Variants in AKT3 observed in about 807,000 individuals in gnomAD.
The protein encoded by AKT3 is RAC-gamma serine/threonine-protein kinase.
Under a neutral mutation model 65.3 loss-of-function variants are expected in AKT3, and 15 were observed. The observed-to-expected ratio is 0.23, with a 90% confidence interval of 0.15 to 0.35. AKT3 has a LOEUF of 0.35. Ranked by LOEUF, AKT3 falls within the 10% of genes least tolerant of loss-of-function variation. The pLI is 1.00. For synonymous variants in AKT3, 206 were observed against 183.8 expected (o/e 1.12, Z -0.98); for missense variants, 243 against 576.5 (o/e 0.42, Z 5.92).
chr1:243,641,081 C>T (rs1680350034), intron 5 of AKT3, among the ~76,000 whole-genome samples: 3 of 151,964 alleles, frequency 2.0e-5, no homozygotes, highest in South Asian at 4.2e-4. Context: ...GCTTAGCCTC[C>T]CAGCCTACGT....
intron 1 of AKT3, among the ~76,000 whole-genome samples, chr1:243,849,279 C>A (rs1008822724): frequency 2.6e-5 from 4 of 152,202 alleles, no homozygotes; most frequent in African/African-American, 9.6e-5. Context: ...CAGCCAAACC[C>A]AGCATCTTCC....
chr1:243,556,217 A>G (rs1673397020), intron 10 of AKT3, among the ~76,000 whole-genome samples: 1 of 152,154 alleles, frequency 6.6e-6, no homozygotes, highest in Admixed American at 6.6e-5. Context: ...ATATTTGATC[A>G]ATATTTGATG....
At position 243,664,802 on chromosome 1, in the gene AKT3, C is replaced by A; in HGVS notation, c.254G>T (p.Arg85Ile). The change falls in exon 4 of 14, where the codon AGA (arginine) becomes ATA (isoleucine). Residue 85 changes from arginine to isoleucine, a missense_variant. By Grantham distance (97) the Arg-to-Ile change is moderately conservative. Transcript: ENST00000673466. ...RCLQWTTVIE[R>I]TFHVDTPEER... ...CTCTGGAGTATCTACATGAAATGTTCTCTCTATAACAGTAGTCCACTGGAG... is the reference window on the plus strand; with the variant it reads ...CTCTGGAGTATCTACATGAAATGTTATCTCTATAACAGTAGTCCACTGGAG... 6.5e-7 allele frequency: 1 copy of A among 1,545,608 alleles called. No individual in the cohort carries two copies. Among genetic ancestry groups the A allele is most frequent in the Non-Finnish European group, 8.7e-7 (1 of 1,152,804 alleles).
chr1:243,841,339 C>G (rs1220494789), intron 2 of AKT3, among the ~76,000 whole-genome samples: 2 of 152,064 alleles, frequency 1.3e-5, no homozygotes, highest in African/African-American at 2.4e-5. Flanking sequence ...AATCCACAAC[C>G]ATCATCTCAT....
rs183335597 is a variant in AKT3 at position 243,767,165 on chromosome 1, G to A, written c.47-71449C>T. On this transcript the variant is annotated intron_variant, in intron 2 of 13. Transcript: ENST00000673466. ...GGATGGGTTATAGTCACATTATGTA[G>A]GTATCAAAAGAAAGTATGTCAGTAA... Among the ~76,000 whole-genome samples the A allele has an allele frequency of 2.4e-3, 368 of 152,204 alleles. 2 individuals are homozygous for A. Among genetic ancestry groups the A allele is most frequent in the African/African-American group, 8.7e-3 (361 of 41,540 alleles).
chr1:243,844,775 G>A (rs1695439599), intron 1 of AKT3, among the ~76,000 whole-genome samples: 1 of 152,088 alleles, frequency 6.6e-6, no homozygotes, highest in Non-Finnish European at 1.5e-5. Flanking sequence ...TTATCCCATG[G>A]GTCTTCTTCA....
At chr1:243,651,437 A>G (rs916058841) in intron 4 of AKT3, among the ~76,000 whole-genome samples, 4 of 152,158 alleles carry the variant, frequency 2.6e-5, no homozygotes, top group Non-Finnish European at 5.9e-5. Flanking sequence ...TATGTTGAAT[A>G]GGAGTGGTGA....
At chr1:243,656,298 A>T (rs1271103205) in intron 4 of AKT3, among the ~76,000 whole-genome samples, 1 of 152,104 alleles carries the variant, frequency 6.6e-6, no homozygotes, top group Non-Finnish European at 1.5e-5. Context: ...TACAAAAATC[A>T]ATTTTCACCA....
chr1:243,642,938 G>C (rs1680552070), intron 5 of AKT3, among the ~76,000 whole-genome samples: 1 of 152,148 alleles, frequency 6.6e-6, no homozygotes, highest in Non-Finnish European at 1.5e-5. Flanking sequence ...ATAAATTCCA[G>C]ATACATTTAC....
chr1:243,548,637 A>G (rs1672835459), intron 11 of AKT3, among the ~76,000 whole-genome samples: 1 of 152,204 alleles, frequency 6.6e-6, no homozygotes, highest in Non-Finnish European at 1.5e-5. Context: ...CTAGAATACT[A>G]AACTCCAGTA....
At chr1:243,576,244 TA>T (rs1370112493) in intron 8 of AKT3, among the ~76,000 whole-genome samples, 3 of 152,098 alleles carry the variant, frequency 2.0e-5, no homozygotes, top group Non-Finnish European at 4.4e-5. Flanking sequence ...ATCAAAATAA[TA>T]AGAGCTATTT....
In AKT3 at chr1:243,760,282, C is replaced by CTTTTTTTTTTT. The variant is rs58733457; in HGVS notation, c.47-64577_47-64567dup. ...TACAGGCATGTACCTCTATATCTGGCTTTTTTTTTTTTTTTTTTTTTTGTC... is the reference window on the plus strand; with the variant it reads ...TACAGGCATGTACCTCTATATCTGGCTTTTTTTTTTTTTTTTTTTTTTTTTTTTTTTTTGTC... On this transcript the variant is annotated intron_variant, in intron 2 of 13. Transcript: ENST00000673466. Among the ~76,000 whole-genome samples, 157 of 80,910 alleles carry CTTTTTTTTTTT rather than the reference C, an allele frequency of 1.9e-3. 1 individual carries two copies. The highest frequency in any genetic ancestry group is 3.1e-3 in the African/African-American group (58 of 18,542). 53.1% of individuals were successfully genotyped at this position (80,910 alleles called of 152,430 possible).
At chr1:243,823,144 T>C (rs1693961338) in intron 2 of AKT3, among the ~76,000 whole-genome samples, 1 of 152,102 alleles carries the variant, frequency 6.6e-6, no homozygotes, top group African/African-American at 2.4e-5. Context: ...TTAATAAACA[T>C]AATTCATTAC....
chr1:243,562,090 G>T (rs1057018296), intron 10 of AKT3, among the ~76,000 whole-genome samples: 1 of 152,124 alleles, frequency 6.6e-6, no homozygotes, highest in Non-Finnish European at 1.5e-5. Context: ...TACATCAGCT[G>T]CTGAACAAAT....
chr1:243,736,783 T>C (rs1005930138), intron 2 of AKT3, among the ~76,000 whole-genome samples: 25 of 152,176 alleles, frequency 1.6e-4, no homozygotes, highest in African/African-American at 5.8e-4. Flanking sequence ...TCATCTACTT[T>C]AAAACACCTC....
At chr1:243,767,458 CAATTTT>C (rs1455672956) in intron 2 of AKT3, among the ~76,000 whole-genome samples, 3 of 152,100 alleles carry the variant, frequency 2.0e-5, no homozygotes, top group Non-Finnish European at 4.4e-5. Flanking sequence ...CTCATAACCT[CAATTTT>C]ATTATTTTTA....
At chr1:243,653,145 A>G (rs1276639957) in intron 4 of AKT3, among the ~76,000 whole-genome samples, 1 of 152,220 alleles carries the variant, frequency 6.6e-6, no homozygotes, top group Non-Finnish European at 1.5e-5. Flanking sequence ...TAGACACAAT[A>G]AAAAATGATA....
chr1:243,594,736 G>A (rs1676475880), intron 8 of AKT3, among the ~76,000 whole-genome samples: 1 of 152,000 alleles, frequency 6.6e-6, no homozygotes, highest in Non-Finnish European at 1.5e-5. Context: ...ACCAGTCCAG[G>A]CTAATTTTTT....
intron 3 of AKT3, among the ~76,000 whole-genome samples, chr1:243,679,618 T>C (rs948426161): frequency 6.6e-6 from 1 of 152,230 alleles, no homozygotes; most frequent in Admixed American, 6.5e-5. Context: ...TATCAGATTA[T>C]TGGAACAAGG....
Sources: gnomAD v4.1 joint callset for allele counts (sites outside exome capture counted in the v4.1 genomes callset) on GRCh38, gnomAD v4.1.1 for gene constraint, MANE v1.5 for transcripts, NCBI Gene and HGNC (gene_info 2026-07-23, HGNC 2026-07-21) for gene names.